Variants in ZNF799 observed in about 807,000 individuals in gnomAD.
The protein encoded by ZNF799 is zinc finger protein 14.
Under a neutral mutation model 41.0 loss-of-function variants are expected in ZNF799, and 28 were observed. The observed-to-expected ratio is 0.68, with a 90% confidence interval of 0.51 to 0.94. The LOEUF (loss-of-function observed/expected upper bound fraction) is 0.94. ZNF799 is among the 40% of genes least tolerant of loss of function. The pLI is 0.00. For synonymous variants in ZNF799, 213 were observed against 252.9 expected (o/e 0.84, Z 1.50); for missense variants, 716 against 764.3 (o/e 0.94, Z 0.74).
intron 1 of ZNF799, chr19:12,394,706 T>C: frequency 2.0e-6 from 2 of 985,360 alleles, no homozygotes; most frequent in Non-Finnish European, 2.4e-6. Flanking sequence ...AAGAACTCAG[T>C]GTCATCTCTC....
At chr19:12,401,820 C>A (rs1969993636), upstream of ZNF799, among the ~76,000 whole-genome samples, 1 of 152,076 alleles carries the variant, frequency 6.6e-6, no homozygotes, top group African/African-American at 2.4e-5. Flanking sequence ...GTGATCCGCC[C>A]ACCTTGGCCT....
chr19:12,399,216 G>A (rs1969942552), intron 1 of ZNF799, among the ~76,000 whole-genome samples: 2 of 152,146 alleles, frequency 1.3e-5, no homozygotes, highest in South Asian at 4.1e-4. Context: ...TATCACCTGG[G>A]ACATCCCTTA....
the ZNF799 span, among the ~76,000 whole-genome samples, chr19:12,412,100 A>AC: frequency 1.6e-3 from 238 of 151,840 alleles, 1 homozygote; most frequent in Non-Finnish European, 2.7e-3. Flanking sequence ...TGCCTGACTC[A>AC]CCCCCCACAG....
chr19:12,403,308 G>A (rs1970010733), upstream of ZNF799, among the ~76,000 whole-genome samples: 1 of 151,570 alleles, frequency 6.6e-6, no homozygotes, highest in Non-Finnish European at 1.5e-5. Flanking sequence ...TTATTTATTT[G>A]GGCCTTTCTG....
the ZNF799 span, among the ~76,000 whole-genome samples, chr19:12,410,334 A>G: frequency 4.7e-5 from 7 of 148,766 alleles, no homozygotes; most frequent in Non-Finnish European, 8.9e-5. Flanking sequence ...GATGAGATCT[A>G]TATTCCCCAG....
upstream of ZNF799, among the ~76,000 whole-genome samples, chr19:12,404,522 C>T (rs1396291856): frequency 1.3e-5 from 2 of 152,140 alleles, no homozygotes; most frequent in Non-Finnish European, 2.9e-5. Context: ...GTAGCCTCCT[C>T]CACCTCCCAG....
Position 12,391,309 on chromosome 19 carries a change from T to TTTC in ZNF799, c.1086_1088dup (p.Lys363dup), listed in dbSNP as rs774583022. ...TCCCACACTGCTTGCATTCATAGAG[T>TTTC]TTCTCTCCAGTGTGAGTTCTTTCAT... is the stretch of plus-strand genomic sequence containing the variant. On this transcript the variant is annotated inframe_insertion, in exon 4 of 4. Coordinates refer to ENST00000430385, the MANE Select transcript of ZNF799 (RefSeq NM_001080821.3). The TTTC allele has an allele frequency of 1.1e-5, 18 of 1,613,990 alleles. No homozygotes were observed. The African/African-American group carries it at 1.9e-4, about 17-fold the overall frequency.
upstream of ZNF799, among the ~76,000 whole-genome samples, chr19:12,403,875 G>A (rs1970013915): frequency 6.6e-6 from 1 of 152,198 alleles, no homozygotes; most frequent in South Asian, 2.1e-4. Context: ...CTTTTTTGAT[G>A]TAGGTGCTTA....
At chr19:12,394,449 C>T (rs1218264902) in intron 1 of ZNF799, 7 of 419,402 alleles carry the variant, frequency 1.7e-5, no homozygotes, top group African/African-American at 2.2e-5. Flanking sequence ...CTATAATGAA[C>T]TTTCTGGGTA....
At chr19:12,410,006 G>C in the ZNF799 span, among the ~76,000 whole-genome samples, 2 of 151,848 alleles carry the variant, frequency 1.3e-5, no homozygotes, top group East Asian at 3.9e-4. Flanking sequence ...AAATTATCTG[G>C]GCATGGTGGT....
Position 12,390,208 on chromosome 19 carries a change from G to C in ZNF799, c.*258C>G, listed in dbSNP as rs761114549. On this transcript the variant is annotated 3_prime_UTR_variant, in exon 4 of 4. Transcript: ENST00000430385. ...TTTTAAGTAATCTAGACATAATTGA[G>C]AGTATACAAGAGGATGTGGGTAAGT... 27 of 631,962 alleles carry C rather than the reference G, an allele frequency of 4.3e-5. No individual in the cohort carries two copies. The highest frequency in any genetic ancestry group is 6.7e-5 in the Non-Finnish European group (25 of 370,686). The allele number at this position is 631,962 out of a possible 1,614,324, so 39.1% of individuals were successfully genotyped here.
At chr19:12,410,375 C>G in the ZNF799 span, among the ~76,000 whole-genome samples, 1,634 of 149,726 alleles carry the variant, frequency 0.011, 32 homozygotes, top group African/African-American at 0.038. Context: ...CTCAAGTGAT[C>G]CTACCACCTT....
chr19:12,411,265 G>A, the ZNF799 span, among the ~76,000 whole-genome samples: 1 of 152,166 alleles, frequency 6.6e-6, no homozygotes, highest in Non-Finnish European at 1.5e-5. Context: ...GTGGTAATCT[G>A]TTATAATAGC....
Position 12,391,295 on chromosome 19 carries a change from T to A in ZNF799, c.1103A>T (p.Lys368Met). 6.2e-7 allele frequency: 1 copy of A among 1,614,208 alleles called. No individual in the cohort carries two copies. The highest frequency in any genetic ancestry group is 2.2e-5 in the East Asian group (1 of 44,882). ...THTGEKLYEC[K>M]QCGKALSHSS... ...ATGAGATAACGCTTTCCCACACTGC[T>A]TGCATTCATAGAGTTTCTCTCCAGT... The change falls in exon 4 of 4, where the codon AAG becomes ATG. Residue 368 changes from lysine to methionine, a missense_variant. Physicochemically the swap from Lys to Met is moderately conservative, Grantham distance 95. This residue lies in a region of ZNF799 where 698 missense variants were observed against 713.6 expected (regional missense o/e 0.98). Coordinates refer to ENST00000430385, the MANE Select transcript of ZNF799 (RefSeq NM_001080821.3).
chr19:12,396,910 G>C (rs1969902918), intron 1 of ZNF799, among the ~76,000 whole-genome samples: 1 of 151,930 alleles, frequency 6.6e-6, no homozygotes, highest in Non-Finnish European at 1.5e-5. Context: ...ATACAGGTTA[G>C]AAACTCAGAT....
At chr19:12,402,417 T>TTTTC (rs1568506120), upstream of ZNF799, among the ~76,000 whole-genome samples, 2 of 8,958 alleles carry the variant, frequency 2.2e-4, no homozygotes, top group Non-Finnish European at 4.4e-4. Flanking sequence ...CCTTTATTTC[T>TTTTC]TTTTTTTTTT....
At chr19:12,396,143 TGAA>T (rs1461969062) in intron 1 of ZNF799, among the ~76,000 whole-genome samples, 1 of 152,100 alleles carries the variant, frequency 6.6e-6, no homozygotes, top group African/African-American at 2.4e-5. Context: ...CACAAAATTA[TGAA>T]GAATACAGAA....
In ZNF799 at chr19:12,391,508, C is replaced by T. The variant is rs571340687; in HGVS notation, c.890G>A (p.Arg297Gln). The T allele has an allele frequency of 2.4e-5, 39 of 1,613,788 alleles. No homozygotes were observed. Among genetic ancestry groups the T allele is most frequent in the South Asian group, 1.8e-4 (16 of 91,052 alleles). ...ATCAGTGTGAGTTGTTTCGTGTCTT[C>T]GAAGGGAAGTGGAAGCACTGAAGGC... ...GKAFSASTSLRRHETTHTDEK... is the reference protein window; with the variant it reads ...GKAFSASTSLQRHETTHTDEK... Residue 297 changes from arginine to glutamine, a missense_variant, in exon 4 of 4, where the codon CGA becomes CAA. Physicochemically the swap from Arg to Gln is conservative, Grantham distance 43 (BLOSUM62 1). Around this residue, in one of 2 missense-constraint regions of ZNF799, gnomAD observed 698 missense variants for 713.6 expected, o/e 0.98. Coordinates refer to ENST00000430385, the MANE Select transcript of ZNF799 (RefSeq NM_001080821.3).
At chr19:12,409,707 A>G in the ZNF799 span, among the ~76,000 whole-genome samples, 2 of 152,238 alleles carry the variant, frequency 1.3e-5, no homozygotes, top group Non-Finnish European at 2.9e-5. Context: ...CAATCTAACC[A>G]TATTAGAATT....
Sources: gnomAD v4.1 joint callset for allele counts (sites outside exome capture counted in the v4.1 genomes callset) on GRCh38, gnomAD v4.1.1 for gene constraint, gnomAD v4.1.1 regional missense constraint, MANE v1.5 for transcripts, NCBI Gene and HGNC (gene_info 2026-07-23, HGNC 2026-07-21) for gene names.